The following ATP2A2 variants were observed in gnomAD, a reference collection of about 807,000 sequenced individuals.
The protein encoded by ATP2A2 is sarcoplasmic/endoplasmic reticulum calcium ATPase 2.
ATP2A2 carries 14 observed loss-of-function variants against 109.3 expected under a neutral mutation model. The ratio of observed to expected loss-of-function variants is 0.13; its 90% confidence interval spans 0.08 to 0.20. The LOEUF (loss-of-function observed/expected upper bound fraction) is 0.20, where lower values mean the gene tolerates loss of function less well. Among genes scored for constraint, ATP2A2 ranks in the 10% least tolerant of loss-of-function variants. The pLI is 1.00. For missense variants in ATP2A2, 657 were observed against 1,321.6 expected (o/e 0.50, Z 7.80); for synonymous variants, 506 against 490.9 (o/e 1.03, Z -0.41).
Position 110,282,693 on chromosome 12 carries a change from CAT to C in ATP2A2, c.137-19_137-18del, listed in dbSNP as rs757173090. The stretch of plus-strand genomic sequence containing the variant: ...TGATGGTAAGATGACAGTTAAAACA[CAT>C]GTGTTTGTTTCTTACAGGAAAAACC... On this transcript the variant is annotated intron_variant, in intron 2 of 19. Coordinates refer to ENST00000539276, the MANE Select transcript of ATP2A2 (RefSeq NM_170665.4). 15 of 1,613,642 alleles carry C rather than the reference CAT, an allele frequency of 9.3e-6. No homozygotes were observed. Among genetic ancestry groups the C allele is most frequent in the Admixed American group, 1.7e-5 (1 of 59,988 alleles).
rs539276000 is a variant in ATP2A2 at position 110,349,636 on chromosome 12, A to G, written c.*3166A>G. 3.0e-6 allele frequency: 3 copies of G among 987,234 alleles called. No homozygotes were observed. The highest frequency in any genetic ancestry group is 4.7e-5 in the South Asian group (1 of 21,412). 61.2% of individuals were successfully genotyped at this position (987,234 alleles called of 1,614,324 possible). ...AGCCCTGACTGAGGTGGGCAGACCT[A>G]AGACCTGAGACCACAAGATTAGCTC... On this transcript the variant is annotated 3_prime_UTR_variant, in exon 20 of 20. Coordinates refer to ENST00000539276, the MANE Select transcript of ATP2A2 (RefSeq NM_170665.4).
intron 6 of ATP2A2, among the ~76,000 whole-genome samples, chr12:110,325,114 A>G (rs902283116): frequency 6.6e-6 from 1 of 152,154 alleles, no homozygotes. Flanking sequence ...CACCCAGCCT[A>G]TAATAAAAAA....
rs962287481 is a variant in ATP2A2, at chr12:110,350,118, G to T, written c.*3648G>T. 382 of 1,503,552 alleles carry T rather than the reference G, an allele frequency of 2.5e-4. 1 individual carries two copies. The highest frequency in any genetic ancestry group is 3.1e-4 in the Non-Finnish European group (348 of 1,128,890). 93.1% of individuals were successfully genotyped at this position (1,503,552 alleles called of 1,614,324 possible). A position where few individuals can be genotyped will look rare whatever the true frequency, so the allele number is the denominator to read the frequency against. On this transcript the variant is annotated 3_prime_UTR_variant, in exon 20 of 20. Coordinates refer to ENST00000539276, the MANE Select transcript of ATP2A2 (RefSeq NM_170665.4). Reference sequence around the variant, plus strand: ...CCAGTGCTTCTAGATGCTACCCTGTGTGGGCGGCACCTCAGGGACAGTAAA... The same window carrying T: ...CCAGTGCTTCTAGATGCTACCCTGTTTGGGCGGCACCTCAGGGACAGTAAA...
chr12:110,324,422 A>C (rs1877556304), intron 6 of ATP2A2, among the ~76,000 whole-genome samples: 1 of 152,140 alleles, frequency 6.6e-6, no homozygotes, highest in Non-Finnish European at 1.5e-5. Flanking sequence ...GCCATTTAAA[A>C]AAAATTTTTT....
rs1879953243 is a variant in ATP2A2 at position 110,347,147 on chromosome 12, AC to A, written c.*678del. 2 of 1,184,154 alleles carry A rather than the reference AC, an allele frequency of 1.7e-6. No homozygotes were observed. The highest frequency in any genetic ancestry group is 3.2e-5 in the African/African-American group (2 of 62,360). 73.4% of individuals were successfully genotyped at this position (1,184,154 alleles called of 1,614,324 possible). ...ATGCCTGTACTCGCTTGTGCAGAAA[AC>A]ATTGTTCCAGATTCAATCGACTGGG... On this transcript the variant is annotated 3_prime_UTR_variant, in exon 20 of 20. Transcript: ENST00000539276.
rs56128143 is a variant in ATP2A2 at position 110,342,496 on chromosome 12, G to A, written c.2318+48G>A. 14,313 of 1,584,990 alleles carry A rather than the reference G, an allele frequency of 9.0e-3. 74 individuals carry two copies. Among genetic ancestry groups the A allele is most frequent in the Non-Finnish European group, 0.01 (11,793 of 1,158,002 alleles). On this transcript the variant is annotated intron_variant, in intron 15 of 19. Transcript: ENST00000539276. The surrounding 1 kb of genome is among the most constrained non-coding windows in gnomAD (Gnocchi z 4.6). Reference sequence around the variant, plus strand: ...CTTACTGTACGCCTTTATCTAAATGGGTCATGGAGCCCAGTTCTCGCAGTT... The same window carrying A: ...CTTACTGTACGCCTTTATCTAAATGAGTCATGGAGCCCAGTTCTCGCAGTT...
At chr12:110,316,839 T>C (rs1876717416) in intron 5 of ATP2A2, among the ~76,000 whole-genome samples, 1 of 152,154 alleles carries the variant, frequency 6.6e-6, no homozygotes. Context: ...TAGTGTGTGA[T>C]GCTCAGAGGG....
chr12:110,293,870 ATTTT>A (rs398021049), intron 4 of ATP2A2, among the ~76,000 whole-genome samples: 20 of 73,310 alleles, frequency 2.7e-4, no homozygotes, highest in African/African-American at 1.0e-3. Flanking sequence ...GTGTGTATAT[ATTTT>A]TTTTTTTTTT....
Position 110,346,739 on chromosome 12 carries a change from GTTCTGT to G in ATP2A2, c.*272_*277del. 7.6e-7 allele frequency: 1 copy of G among 1,318,946 alleles called. No homozygotes were observed. The highest frequency in any genetic ancestry group is 9.7e-7 in the Non-Finnish European group (1 of 1,029,942). The allele number at this position is 1,318,946 out of a possible 1,614,324, so 81.7% of individuals were successfully genotyped here. On this transcript the variant is annotated 3_prime_UTR_variant, in exon 20 of 20. Transcript: ENST00000539276. ...TTGTAGATGAAAAAGCATGTACAGTGTTCTGTTTAATACTCATCCTTGTATAAAAAA... is the reference window on the plus strand; with the variant it reads ...TTGTAGATGAAAAAGCATGTACAGTGTTAATACTCATCCTTGTATAAAAAA...
At chr12:110,301,449 G>A (rs1333947830) in intron 5 of ATP2A2, among the ~76,000 whole-genome samples, 1 of 152,064 alleles carries the variant, frequency 6.6e-6, no homozygotes, top group Non-Finnish European at 1.5e-5. Context: ...GAGAAACTTG[G>A]AAGTCATCTT....
rs2137875459 is a variant in ATP2A2 at position 110,346,332 on chromosome 12, T to C, written c.2991T>C (p.Cys997=). Reference sequence around the variant, plus strand: ...ACTACCTGGAACCTGGTAAAGAGTGTGTGCAGCCTGCCACCAAATCCTGCT... The same window carrying C: ...ACTACCTGGAACCTGGTAAAGAGTGCGTGCAGCCTGCCACCAAATCCTGCT... ...ARNYLEPGKE[C]VQPATKSCSF... The change falls in exon 20 of 20, where the codon TGT becomes TGC. Residue 997 remains cysteine (C), a synonymous_variant. Transcript: ENST00000539276. The C allele has an allele frequency of 1.2e-6, 2 of 1,614,178 alleles. No homozygotes were observed. The highest frequency in any genetic ancestry group is 2.7e-5 in the African/African-American group (2 of 75,034).
At chr12:110,308,809 C>CT (rs1875660130) in intron 5 of ATP2A2, among the ~76,000 whole-genome samples, 1 of 152,104 alleles carries the variant, frequency 6.6e-6, no homozygotes. Context: ...ATAAATTGTG[C>CT]TTTTAGACAT....
At chr12:110,328,783 G>T (rs928519793) in intron 8 of ATP2A2, among the ~76,000 whole-genome samples, 4 of 152,070 alleles carry the variant, frequency 2.6e-5, no homozygotes, top group Non-Finnish European at 5.9e-5. Context: ...CACCAGGCTG[G>T]TCTTGAATTC....
intron 5 of ATP2A2, among the ~76,000 whole-genome samples, chr12:110,297,434 CA>C (rs5800888): frequency 0.094 from 5,910 of 62,880 alleles, 342 homozygotes; most frequent in African/African-American, 0.25. Context: ...GACTTCATCT[CA>C]AAAAAAAAAA....
In ATP2A2 at chr12:110,326,424, C is replaced by T. The variant is rs371699814; in HGVS notation, c.579C>T (p.Pro193=). The T allele has an allele frequency of 9.2e-5, 149 of 1,614,038 alleles. No individual in the cohort carries two copies. The highest frequency in any genetic ancestry group is 1.1e-4 in the Non-Finnish European group (127 of 1,179,984). Reference sequence around the variant, plus strand: ...TCTCTGTCATCAAGCACACTGATCCCGTCCCTGACCCACGAGCTGTCAACC... The same window carrying T: ...TCTCTGTCATCAAGCACACTGATCCTGTCCCTGACCCACGAGCTGTCAACC... ...ESVSVIKHTD[P]VPDPRAVNQD... Residue 193 remains proline (P), a synonymous_variant, in exon 7 of 20, where the codon CCC becomes CCT. Transcript: ENST00000539276.
At chr12:110,324,610 C>T (rs1283218522) in intron 6 of ATP2A2, among the ~76,000 whole-genome samples, 5 of 151,876 alleles carry the variant, frequency 3.3e-5, no homozygotes, top group African/African-American at 7.3e-5. Flanking sequence ...TTAGTAGAGA[C>T]GGGGTTTCAC....
intron 5 of ATP2A2, 111 bp from the exon 6 acceptor site, chr12:110,322,879 TTA>T: frequency 1.2e-6 from 1 of 802,832 alleles, no homozygotes; most frequent in Admixed American, 1.9e-5. Context: ...TGTATTTGTG[TTA>T]TATGCAGATC....
intron 5 of ATP2A2, among the ~76,000 whole-genome samples, chr12:110,309,039 G>T (rs1463066388): frequency 3.3e-5 from 5 of 150,634 alleles, no homozygotes; most frequent in African/African-American, 1.2e-4. Context: ...GTCAGCTTTT[G>T]GAAGATATCT....
chr12:110,302,779 A>C (rs1177160265), intron 5 of ATP2A2, among the ~76,000 whole-genome samples: 3 of 151,994 alleles, frequency 2.0e-5, no homozygotes, highest in Non-Finnish European at 2.9e-5. Flanking sequence ...TTGTAGTTGT[A>C]GTAGAGATGG....
Sources: allele counts gnomAD v4.1 joint callset (sites outside exome capture counted in the v4.1 genomes callset), GRCh38; gene constraint gnomAD v4.1.1; non-coding constraint Gnocchi (gnomAD v3.1); transcripts MANE v1.5; gene names NCBI Gene and HGNC (gene_info 2026-07-23, HGNC 2026-07-21).